Variants in IFT43 observed in about 807,000 individuals in gnomAD.
IFT43 encodes the protein intraflagellar transport 43.
IFT43 carries 33 observed loss-of-function variants against 32.3 expected under a neutral mutation model. The ratio of observed to expected loss-of-function variants is 1.02; its 90% CI spans 0.77 to 1.37. The LOEUF (loss-of-function observed/expected upper bound fraction) is 1.37, where lower values mean the gene tolerates loss of function less well. IFT43 is among the 40% of genes most tolerant of loss of function. The probability of loss-of-function intolerance (pLI) is 0.00; values close to 1 mark genes in which losing one functional copy is unlikely to be tolerated. For synonymous variants in IFT43, 93 were observed against 98.2 expected (o/e 0.95, Z 0.31); for missense variants, 274 against 265.9 (o/e 1.03, Z -0.21).
At chr14:75,995,158 A>G (rs1004893994) in intron 2 of IFT43, among the ~76,000 whole-genome samples, 43 of 152,204 alleles carry the variant, frequency 2.8e-4, no homozygotes, top group African/African-American at 1.0e-3. Flanking sequence ...ATGTGAGGAC[A>G]TGGAGACTTT....
At chr14:76,080,128 G>A (rs951956400) in intron 5 of IFT43, among the ~76,000 whole-genome samples, 4 of 152,178 alleles carry the variant, frequency 2.6e-5, no homozygotes, top group East Asian at 1.9e-4. Context: ...CCTCTGCTGC[G>A]ATGGCTCAAG....
At chr14:76,067,773 C>T (rs76556951) in intron 5 of IFT43, among the ~76,000 whole-genome samples, 4,287 of 152,148 alleles carry the variant, frequency 0.028, 227 homozygotes, top group African/African-American at 0.097. Context: ...GACGTAAACC[C>T]GTGAAACAGA....
At chr14:75,999,247 A>ATATAAATTTATTT (rs1566699239) in intron 2 of IFT43, among the ~76,000 whole-genome samples, 3 of 59,580 alleles carry the variant, frequency 5.0e-5, no homozygotes, top group Admixed American at 1.7e-4. Context: ...ATATATATAT[A>ATATAAATTTATTT]TATATATATA....
At chr14:76,072,885 T>C (rs934755148) in intron 5 of IFT43, among the ~76,000 whole-genome samples, 1 of 152,172 alleles carries the variant, frequency 6.6e-6, no homozygotes, top group Admixed American at 6.5e-5. Flanking sequence ...CTGTCCCACA[T>C]GTGACTGTAC....
intron 5 of IFT43, among the ~76,000 whole-genome samples, chr14:76,063,243 G>A (rs1003933845): frequency 2.0e-5 from 3 of 152,136 alleles, no homozygotes; most frequent in Non-Finnish European, 2.9e-5. Context: ...CCCTGAACGC[G>A]CCAGATCTCG....
At chr14:76,049,692 C>G (rs1300119329) in intron 3 of IFT43, among the ~76,000 whole-genome samples, 1 of 147,920 alleles carries the variant, frequency 6.8e-6, no homozygotes, top group Non-Finnish European at 1.5e-5. Flanking sequence ...CTCCCCACCC[C>G]CAACCCCCTT....
intron 2 of IFT43, among the ~76,000 whole-genome samples, chr14:76,009,978 A>G (rs142597157): frequency 0.017 from 2,643 of 152,146 alleles, 91 homozygotes; most frequent in African/African-American, 0.06. Flanking sequence ...TATTTTTAGT[A>G]GAGACAGGGT....
chr14:76,048,488 A>G (rs565344386), intron 3 of IFT43, among the ~76,000 whole-genome samples: 1 of 152,260 alleles, frequency 6.6e-6, no homozygotes, highest in Admixed American at 6.5e-5. Context: ...TCTCTCAAAA[A>G]TAAAATGCAT....
chr14:75,988,548 T>C (rs1594797447), intron 1 of IFT43, among the ~76,000 whole-genome samples: 1 of 152,192 alleles, frequency 6.6e-6, no homozygotes, highest in East Asian at 1.9e-4. Flanking sequence ...AGATGGAGTC[T>C]TGCTCTGTCA....
intron 2 of IFT43, among the ~76,000 whole-genome samples, chr14:75,991,898 A>C (rs915035479): frequency 6.6e-6 from 1 of 152,148 alleles, no homozygotes. Flanking sequence ...CCAGATGCTC[A>C]CTGTGCTGTG....
chr14:76,017,031 T>G (rs1396291961), intron 2 of IFT43, among the ~76,000 whole-genome samples: 1 of 152,188 alleles, frequency 6.6e-6, no homozygotes, highest in Non-Finnish European at 1.5e-5. Flanking sequence ...TGGAAGAGTT[T>G]TATTTCTTTC....
In IFT43 at chr14:76,059,447, C is replaced by T. The variant is rs1385588824; in HGVS notation, c.295+74C>T. The T allele has an allele frequency of 4.3e-6, 6 of 1,389,446 alleles. No homozygotes were observed. The East Asian group carries it at 1.1e-4, about 26-fold the overall frequency. 86.1% of individuals were successfully genotyped at this position (1,389,446 alleles called of 1,614,324 possible). ...AACATTTCCTGGGCTACAGCTAAGG[C>T]ACTGTTGGCTGCAGCATCACTGAAG... On this transcript the variant is annotated intron_variant, in intron 5 of 8. Transcript: ENST00000314067.
chr14:76,018,015 A>G (rs1364836161), intron 2 of IFT43, among the ~76,000 whole-genome samples: 2 of 151,168 alleles, frequency 1.3e-5, no homozygotes, highest in Non-Finnish European at 3.0e-5. Context: ...TGTTTCATTG[A>G]TCGTTTGTAT....
chr14:76,060,374 C>T (rs1322774428), intron 5 of IFT43, among the ~76,000 whole-genome samples: 1 of 152,012 alleles, frequency 6.6e-6, no homozygotes, highest in Non-Finnish European at 1.5e-5. Flanking sequence ...CATGCCACCA[C>T]ACCCAGCTAA....
intron 5 of IFT43, among the ~76,000 whole-genome samples, chr14:76,064,545 G>A (rs1397213817): frequency 2.0e-5 from 3 of 152,192 alleles, no homozygotes; most frequent in African/African-American, 7.2e-5. Context: ...GGTTTGAACC[G>A]GCATGAGGGA....
intron 5 of IFT43, chr14:76,076,767 T>G: frequency 6.6e-7 from 1 of 1,516,604 alleles, no homozygotes; most frequent in African/African-American, 1.4e-5. Flanking sequence ...AGCATTTTAG[T>G]GTGCGCATGT....
intron 5 of IFT43, among the ~76,000 whole-genome samples, chr14:76,062,938 A>AAAAGAAAAAAG (rs1555367538): frequency 0.043 from 5,125 of 119,248 alleles, 260 homozygotes; most frequent in South Asian, 0.057. Context: ...AAAAAAAAAA[A>AAAAGAAAAAAG]AAAGAAAATA....
At chr14:75,999,036 C>T (rs999014927) in intron 2 of IFT43, among the ~76,000 whole-genome samples, 9 of 151,618 alleles carry the variant, frequency 5.9e-5, no homozygotes, top group African/African-American at 2.2e-4. Flanking sequence ...TGCCTAGTTC[C>T]GACATCTCTT....
At chr14:76,059,139 C>T (rs1475782385) in intron 4 of IFT43, 188 bp from the exon 5 acceptor site, 5 of 1,502,802 alleles carry the variant, frequency 3.3e-6, no homozygotes, top group Middle Eastern at 2.2e-4. Flanking sequence ...AATAGTGCAT[C>T]GCACAGCCTG....
Sources: allele counts gnomAD v4.1 joint callset (sites outside exome capture counted in the v4.1 genomes callset), GRCh38; gene constraint gnomAD v4.1.1; transcripts MANE v1.5; gene names NCBI Gene and HGNC (gene_info 2026-07-23, HGNC 2026-07-21).